Variants in RNF121 observed in about 807,000 individuals in gnomAD.
RNF121 encodes E3 ubiquitin ligase RNF121.
RNF121 carries 21 observed loss-of-function variants against 46.5 expected under a neutral mutation model. The ratio of observed to expected loss-of-function variants is 0.45; its 90% confidence interval spans 0.32 to 0.65. RNF121 has a LOEUF of 0.65. Ranked by LOEUF, RNF121 falls within the 30% of genes least tolerant of loss-of-function variation. RNF121 has a pLI of 0.04. For synonymous variants in RNF121, 139 were observed against 144.7 expected (o/e 0.96, Z 0.28); for missense variants, 346 against 416.0 (o/e 0.83, Z 1.46).
chr11:71,977,281 A>G (rs1372578408), intron 3 of RNF121, among the ~76,000 whole-genome samples: 4 of 152,228 alleles, frequency 2.6e-5, no homozygotes, highest in African/African-American at 9.6e-5. Context: ...AAAAGTGCCA[A>G]GCACCTGTGG....
intron 3 of RNF121, among the ~76,000 whole-genome samples, chr11:71,982,445 A>T (rs1342334825): frequency 6.6e-6 from 1 of 151,924 alleles, no homozygotes; most frequent in Non-Finnish European, 1.5e-5. Context: ...CCATTCTGGC[A>T]CTCCTCAAAA....
chr11:71,990,173 G>T (rs1954838922), intron 5 of RNF121, among the ~76,000 whole-genome samples: 2 of 152,214 alleles, frequency 1.3e-5, no homozygotes, highest in African/African-American at 4.8e-5. Flanking sequence ...GGATGGCTCA[G>T]CTGTTTCAAC....
intron 4 of RNF121, among the ~76,000 whole-genome samples, chr11:71,984,198 A>G (rs1276695975): frequency 6.6e-6 from 1 of 152,280 alleles, no homozygotes; most frequent in Non-Finnish European, 1.5e-5. Context: ...AGAGTCACCA[A>G]GGACACCACA....
chr11:71,929,850 G>A (rs758858539), intron 1 of RNF121, among the ~76,000 whole-genome samples: 1 of 152,210 alleles, frequency 6.6e-6, no homozygotes, highest in Admixed American at 6.5e-5. Flanking sequence ...CATTGCATTA[G>A]AGATATAATG....
chr11:71,947,142 G>A (rs1206389919), intron 1 of RNF121, among the ~76,000 whole-genome samples: 1 of 151,984 alleles, frequency 6.6e-6, no homozygotes, highest in Admixed American at 6.6e-5. Flanking sequence ...AAGATTACAG[G>A]CTTGAGCCAC....
At chr11:71,993,271 C>T (rs1954901314) in intron 6 of RNF121, among the ~76,000 whole-genome samples, 1 of 152,220 alleles carries the variant, frequency 6.6e-6, no homozygotes, top group Admixed American at 6.5e-5. Flanking sequence ...ACAATTCATG[C>T]ATTAATTACA....
intron 3 of RNF121, among the ~76,000 whole-genome samples, chr11:71,969,177 G>A (rs555283686): frequency 6.6e-6 from 1 of 152,164 alleles, no homozygotes; most frequent in East Asian, 1.9e-4. Context: ...GTGAGCCACC[G>A]TGCCTGGCCC....
intron 4 of RNF121, among the ~76,000 whole-genome samples, chr11:71,986,191 A>G (rs2094841501): frequency 6.6e-6 from 1 of 152,008 alleles, no homozygotes; most frequent in South Asian, 2.1e-4. Flanking sequence ...TTCATTACAC[A>G]TCATTTCTTT....
chr11:71,952,350 T>C (rs1286364656), intron 1 of RNF121, among the ~76,000 whole-genome samples: 1 of 152,218 alleles, frequency 6.6e-6, no homozygotes, highest in East Asian at 1.9e-4. Context: ...AACTGGCACA[T>C]GATTTTATTT....
chr11:71,983,737 G>A (rs1380184388), intron 4 of RNF121: 1 of 152,320 alleles, frequency 6.6e-6, no homozygotes, highest in African/African-American at 2.4e-5. Flanking sequence ...TAATGGAGGA[G>A]ATGGACAAGA....
intron 1 of RNF121, among the ~76,000 whole-genome samples, chr11:71,951,853 C>A (rs924101627): frequency 1.3e-5 from 2 of 152,108 alleles, no homozygotes; most frequent in Non-Finnish European, 2.9e-5. Context: ...GAAATTGGAA[C>A]CCTCACACAC....
intron 1 of RNF121, chr11:71,939,603 T>C (rs1590769275): frequency 6.6e-6 from 1 of 152,404 alleles, no homozygotes; most frequent in East Asian, 1.9e-4. Flanking sequence ...TTAATACTGT[T>C]ATCTTAATTT....
intron 7 of RNF121, 95 bp downstream of exon 7, chr11:71,994,947 G>A (rs925078897): frequency 1.3e-4 from 200 of 1,530,134 alleles, no homozygotes; most frequent in Non-Finnish European, 1.7e-4. Context: ...TAGGCATGCT[G>A]TCCAGACCCT....
At chr11:71,993,915 A>T (rs996599765) in intron 6 of RNF121, among the ~76,000 whole-genome samples, 1 of 144,448 alleles carries the variant, frequency 6.9e-6, no homozygotes, top group Non-Finnish European at 1.5e-5. Context: ...ATCTCGGCTC[A>T]CTGCAAGCTC....
intron 6 of RNF121, among the ~76,000 whole-genome samples, chr11:71,991,220 T>C (rs1201373462): frequency 9.1e-6 from 1 of 110,312 alleles, no homozygotes; most frequent in Non-Finnish European, 2.1e-5. Flanking sequence ...GAATCTAAAA[T>C]AAAAGTTGAA....
intron 3 of RNF121, among the ~76,000 whole-genome samples, chr11:71,976,345 C>CTTTTTTTTTTT (rs35710756): frequency 2.2e-5 from 1 of 46,068 alleles, no homozygotes; most frequent in African/African-American, 9.3e-5. Flanking sequence ...TGGGTATATT[C>CTTTTTTTTTTT]TTTTTTTTTT....
chr11:71,991,385 A>G (rs1892920), intron 6 of RNF121, among the ~76,000 whole-genome samples: 140,577 of 152,212 alleles, frequency 0.92, 65,189 homozygotes, highest in Non-Finnish European at 0.98. Flanking sequence ...ACATAGCTAT[A>G]TGCCAGAATT....
chr11:71,992,921 A>C (rs747062188), intron 6 of RNF121, among the ~76,000 whole-genome samples: 6 of 152,226 alleles, frequency 3.9e-5, no homozygotes, highest in Non-Finnish European at 5.9e-5. Context: ...TAAACAACAC[A>C]GAAGTGCTCC....
At chr11:71,955,065 A>G (rs1377076618) in intron 1 of RNF121, among the ~76,000 whole-genome samples, 1 of 152,182 alleles carries the variant, frequency 6.6e-6, no homozygotes, top group Non-Finnish European at 1.5e-5. Context: ...AAACAAATAA[A>G]CATAAACAGG....
Sources: allele counts gnomAD v4.1 joint callset (sites outside exome capture counted in the v4.1 genomes callset), GRCh38; gene constraint gnomAD v4.1.1; transcripts MANE v1.5; gene names NCBI Gene and HGNC (gene_info 2026-07-23, HGNC 2026-07-21).